Variants in SLMAP observed in about 807,000 individuals in gnomAD.
The protein encoded by SLMAP is sarcolemmal membrane-associated protein.
Under a neutral mutation model 128.8 loss-of-function variants are expected in SLMAP, and 44 were observed. The observed-to-expected ratio is 0.34, with a 90% CI of 0.27 to 0.44. The LOEUF (loss-of-function observed/expected upper bound fraction) is 0.44, where lower values mean the gene tolerates loss of function less well. Among genes scored for constraint, SLMAP ranks in the 20% least tolerant of loss-of-function variants. SLMAP has a pLI of 1.00. For missense variants in SLMAP, 787 were observed against 985.3 expected (o/e 0.80, Z 2.69); for synonymous variants, 327 against 348.8 (o/e 0.94, Z 0.70).
At chr3:57,863,699 G>T (rs867574174) in intron 10 of SLMAP, among the ~76,000 whole-genome samples, 2 of 152,086 alleles carry the variant, frequency 1.3e-5, no homozygotes, top group Non-Finnish European at 2.9e-5. Context: ...ACAGCACCAA[G>T]CCATTCATGA....
At chr3:57,765,619 G>A (rs1158078783) in intron 2 of SLMAP, among the ~76,000 whole-genome samples, 1 of 152,158 alleles carries the variant, frequency 6.6e-6, no homozygotes, top group Non-Finnish European at 1.5e-5. Context: ...AGAATGGCAG[G>A]TCATACATTC....
At chr3:57,863,377 A>C (rs2095179798) in intron 10 of SLMAP, among the ~76,000 whole-genome samples, 1 of 152,240 alleles carries the variant, frequency 6.6e-6, no homozygotes, top group Admixed American at 6.5e-5. Context: ...TTGTTAGAGA[A>C]GACCAGAGCA....
rs527654843 is a variant in SLMAP at position 57,840,715 on chromosome 3, A to G, written c.347-584A>G. On this transcript the variant is annotated intron_variant, in intron 3 of 24. Transcript: ENST00000671191. ...ACAACTATCAAGAAAACAAAACAAA[A>G]TTTTAAATATTGAAATGGAAACATG... Among the ~76,000 whole-genome samples the G allele has an allele frequency of 6.6e-5, 10 of 152,318 alleles. No individual in the cohort carries two copies. The South Asian group carries it at 1.9e-3, about 28-fold the overall frequency.
chr3:57,902,739 T>C (rs992324138), intron 17 of SLMAP, among the ~76,000 whole-genome samples: 2 of 152,138 alleles, frequency 1.3e-5, no homozygotes, highest in Admixed American at 1.3e-4. Flanking sequence ...TTTAGAAATA[T>C]TTATTTCTGG....
chr3:57,831,363 G>C lies in SLMAP; in HGVS notation c.199-20G>C, dbSNP rs1553852884. ...TACTATTAATATTTGGCCCTTTTTT[G>C]TTTTTGTTTTTTTTTGCAGTTTTAT... is the stretch of plus-strand genomic sequence containing the variant. On this transcript the variant is annotated intron_variant, in intron 2 of 24. Transcript: ENST00000671191. 2 of 1,451,280 alleles carry C rather than the reference G, an allele frequency of 1.4e-6. No homozygotes were observed. Among genetic ancestry groups the C allele is most frequent in the East Asian group, 2.5e-5 (1 of 40,194 alleles). 89.9% of individuals were successfully genotyped at this position (1,451,280 alleles called of 1,614,324 possible). A position where few individuals can be genotyped will look rare whatever the true frequency, so the allele number is the denominator to read the frequency against.
chr3:57,919,296 G>T (rs542160056), intron 22 of SLMAP, among the ~76,000 whole-genome samples: 185 of 151,982 alleles, frequency 1.2e-3, no homozygotes, highest in African/African-American at 4.0e-3. Flanking sequence ...CAGGAGAATC[G>T]CTTGAACCCG....
At chr3:57,897,095 A>C in intron 17 of SLMAP, 163 bp downstream of exon 17, 2 of 1,382,396 alleles carry the variant, frequency 1.4e-6, no homozygotes, top group Non-Finnish European at 1.9e-6. Context: ...TGGTGTTTAT[A>C]CCCAATATTT....
chr3:57,907,454 G>T (rs2096597410), intron 17 of SLMAP, among the ~76,000 whole-genome samples: 2 of 152,154 alleles, frequency 1.3e-5, no homozygotes, highest in Non-Finnish European at 2.9e-5. Context: ...GCTGTTACTT[G>T]AAGAAAAGTT....
intron 17 of SLMAP, chr3:57,899,678 G>A (rs1012696079): frequency 1.3e-5 from 2 of 152,054 alleles, no homozygotes; most frequent in African/African-American, 4.8e-5. Flanking sequence ...TTCCCAAGTA[G>A]CTGGGACTAC....
intron 2 of SLMAP, among the ~76,000 whole-genome samples, chr3:57,810,627 T>C (rs2090795028): frequency 6.6e-6 from 1 of 152,184 alleles, no homozygotes; most frequent in Admixed American, 6.5e-5. Context: ...ATCATTCTGG[T>C]AAGGCATTCA....
rs1489405260 is a variant in SLMAP, at chr3:57,848,088, C to G, written c.456+855C>G. On this transcript the variant is annotated intron_variant, in intron 5 of 24. Transcript: ENST00000671191. Reference sequence around the variant, plus strand: ...TTTCCAAGCTTAATAAGGACTGGTGCTATAACATCATTAATAAGCTGACAC... The same window carrying G: ...TTTCCAAGCTTAATAAGGACTGGTGGTATAACATCATTAATAAGCTGACAC... Among the ~76,000 whole-genome samples, 3 of 152,166 alleles carry G rather than the reference C, an allele frequency of 2.0e-5. No homozygotes were observed. In the East Asian group the frequency reaches 5.8e-4, roughly 29 times the overall value.
At chr3:57,833,803 A>G (rs1354431646) in intron 3 of SLMAP, among the ~76,000 whole-genome samples, 1 of 151,852 alleles carries the variant, frequency 6.6e-6, no homozygotes, top group African/African-American at 2.4e-5. Context: ...AAAAAAAAAA[A>G]CTTGCAACAT....
chr3:57,925,871 C>T lies in SLMAP; in HGVS notation c.2472C>T (p.Ala824=), dbSNP rs1336564178. The T allele has an allele frequency of 5.2e-6, 8 of 1,551,064 alleles. No individual in the cohort carries two copies. The highest frequency in any genetic ancestry group is 1.2e-5 in the South Asian group (1 of 84,060). Residue 824 remains alanine, a synonymous_variant, in exon 24 of 25, where the codon GCC becomes GCT. Coordinates refer to ENST00000671191, the MANE Select transcript of SLMAP (RefSeq NM_001377540.1). ...NNPSILQPVP[A]VFIGLFLAFL... is the part of the protein sequence containing the mutation. ...CTTCCATATTACAACCCGTCCCAGC[C>T]GTATTCATCGGCCTATTCCTGGCTT...
At chr3:57,859,728 GT>G (rs1313391493) in intron 8 of SLMAP, among the ~76,000 whole-genome samples, 10 of 152,080 alleles carry the variant, frequency 6.6e-5, no homozygotes, top group African/African-American at 2.4e-4. Flanking sequence ...TGAGAGGGGA[GT>G]GAGGGATGAA....
At chr3:57,898,489 G>C (rs947274763) in intron 17 of SLMAP, 4 of 151,912 alleles carry the variant, frequency 2.6e-5, no homozygotes, top group African/African-American at 9.7e-5. Flanking sequence ...TATATTTATA[G>C]GGTACATGAG....
At chr3:57,801,853 T>A (rs142754117) in intron 2 of SLMAP, among the ~76,000 whole-genome samples, 26 of 152,236 alleles carry the variant, frequency 1.7e-4, no homozygotes, top group African/African-American at 5.3e-4. Flanking sequence ...TGCATTCTCA[T>A]GATGATCAGC....
chr3:57,843,782 T>C (rs1205773052), intron 4 of SLMAP, among the ~76,000 whole-genome samples: 4 of 137,448 alleles, frequency 2.9e-5, no homozygotes, highest in Admixed American at 7.3e-5. Context: ...TTTCTTTTTT[T>C]TTTTTTTTTT....
At chr3:57,913,819 A>G (rs949009966) in intron 21 of SLMAP, among the ~76,000 whole-genome samples, 2 of 152,046 alleles carry the variant, frequency 1.3e-5, no homozygotes, top group South Asian at 2.1e-4. Flanking sequence ...TTTACCGGGC[A>G]TAGTGATGTG....
chr3:57,757,717 C>G lies in SLMAP; in HGVS notation c.66C>G (p.Val22=), dbSNP rs778804849. The G allele has an allele frequency of 6.2e-7, 1 of 1,614,172 alleles. No homozygotes were observed. The highest frequency in any genetic ancestry group is 8.5e-7 in the Non-Finnish European group (1 of 1,180,028). The change falls in exon 2 of 25, where the codon GTC becomes GTG. Residue 22 remains valine, a synonymous_variant. Coordinates refer to ENST00000671191, the MANE Select transcript of SLMAP (RefSeq NM_001377540.1). ...CGCACCCGTTTCAGGAGCGTCATGT[C>G]TACCTGGACGAGCCCATCAAAATCG... ...PNSHPFQERH[V]YLDEPIKIGR...
Sources: gnomAD v4.1 joint callset for allele counts (sites outside exome capture counted in the v4.1 genomes callset) on GRCh38, gnomAD v4.1.1 for gene constraint, MANE v1.5 for transcripts, NCBI Gene and HGNC (gene_info 2026-07-23, HGNC 2026-07-21) for gene names.